HECW2: variants seen among roughly 807,000 people sequenced by gnomAD.
HECW2 encodes the protein HECT, C2 and WW domain containing E3 ubiquitin protein ligase 2.
A neutral mutation model predicts 175.2 loss-of-function variants in HECW2; 61 were observed. That is an observed-to-expected ratio of 0.35 (90% CI 0.28 to 0.43). The LOEUF (loss-of-function observed/expected upper bound fraction) is 0.43, where lower values mean the gene tolerates loss of function less well. Among genes scored for constraint, HECW2 ranks in the 20% least tolerant of loss-of-function variants. The pLI, the probability that HECW2 is intolerant of heterozygous loss-of-function variation, is 1.00. For missense variants in HECW2, 1,524 were observed against 2,000.5 expected, an observed-to-expected ratio of 0.76 and a Z score of 4.54; for synonymous variants, 671 against 731.0, an observed-to-expected ratio of 0.92 and a Z score of 1.32.
At chr2:196,555,899 T>C (rs1689776943) in intron 1 of HECW2, among the ~76,000 whole-genome samples, 1 of 152,220 alleles carries the variant, frequency 6.6e-6, no homozygotes, top group South Asian at 2.1e-4. Context: ...TCTTTCTTGA[T>C]CTCTGTGCTT....
At chr2:196,211,573 T>C (rs1159645165) in intron 28 of HECW2, among the ~76,000 whole-genome samples, 1 of 152,170 alleles carries the variant, frequency 6.6e-6, no homozygotes, top group Non-Finnish European at 1.5e-5. Flanking sequence ...GACAACCATA[T>C]ATACTTTTAT....
chr2:196,577,797 C>T (rs937465106), intron 1 of HECW2, among the ~76,000 whole-genome samples: 2 of 152,104 alleles, frequency 1.3e-5, no homozygotes, highest in Admixed American at 6.6e-5. Context: ...ACTAATATAA[C>T]CAGACAGAGA....
chr2:196,405,573 A>G (rs1694945836), intron 2 of HECW2, among the ~76,000 whole-genome samples: 1 of 152,038 alleles, frequency 6.6e-6, no homozygotes, highest in African/African-American at 2.4e-5. Context: ...CCAACCCCCC[A>G]TCTTATGCTC....
chr2:196,537,486 G>T (rs1450902564), intron 1 of HECW2, among the ~76,000 whole-genome samples: 8 of 152,112 alleles, frequency 5.3e-5, no homozygotes, highest in Non-Finnish European at 1.5e-5. Context: ...GGGCACAGAT[G>T]ATTATAATTA....
chr2:196,368,063 T>C (rs192385542), intron 2 of HECW2, among the ~76,000 whole-genome samples: 176 of 152,278 alleles, frequency 1.2e-3, no homozygotes, highest in Non-Finnish European at 6.6e-4. Context: ...ATCTTGGCTA[T>C]TGTGAACAGT....
chr2:196,422,456 T>C (rs986253451), intron 2 of HECW2, among the ~76,000 whole-genome samples: 3 of 152,082 alleles, frequency 2.0e-5, no homozygotes, highest in African/African-American at 7.2e-5. Flanking sequence ...AAAGAGGTCA[T>C]GTGTCCAGAT....
chr2:196,351,534 C>G (rs1057074950), intron 2 of HECW2, among the ~76,000 whole-genome samples: 4 of 152,094 alleles, frequency 2.6e-5, no homozygotes, highest in Non-Finnish European at 5.9e-5. Flanking sequence ...ACCCTCCTAC[C>G]AATCAACCCA....
chr2:196,549,944 T>G (rs539509632), intron 1 of HECW2, among the ~76,000 whole-genome samples: 1 of 152,192 alleles, frequency 6.6e-6, no homozygotes, highest in East Asian at 1.9e-4. Context: ...GAGGGCATGA[T>G]TCAGTGGTTG....
chr2:196,471,988 A>G (rs1697216276), intron 1 of HECW2, among the ~76,000 whole-genome samples: 1 of 151,880 alleles, frequency 6.6e-6, no homozygotes, highest in Non-Finnish European at 1.5e-5. Context: ...AAAAAAAAAA[A>G]AAAAAGAAAA....
chr2:196,310,447 G>A lies in HECW2; in HGVS notation c.2435-2362C>T, dbSNP rs184824878. Among the ~76,000 whole-genome samples, 31 of 152,268 alleles carry A rather than the reference G, an allele frequency of 2.0e-4. No homozygotes were observed. The East Asian group carries it at 6.0e-3, about 29-fold the overall frequency. ...GAACTACATATCCACTTCTACCCAC[G>A]CTGTCAATATCATTCTACCCAGGCA... is the stretch of plus-strand genomic sequence containing the variant. On this transcript the variant is annotated intron_variant, in intron 10 of 28. Coordinates refer to ENST00000644978, the MANE Select transcript of HECW2 (RefSeq NM_001348768.2).
At chr2:196,288,949 T>C (rs1000295016) in intron 14 of HECW2, 2 of 152,266 alleles carry the variant, frequency 1.3e-5, no homozygotes, top group African/African-American at 4.8e-5. Context: ...CACGTAATCA[T>C]GCTGTGCCTC....
chr2:196,491,475 TATATATATATACAC>T (rs1687191615), intron 1 of HECW2, among the ~76,000 whole-genome samples: 1 of 133,164 alleles, frequency 7.5e-6, no homozygotes, highest in Non-Finnish European at 1.6e-5. Flanking sequence ...GGTGTGTGTA[TATATATATATACAC>T]ATATATATAT....
At chr2:196,305,985 G>A (rs1429143222) in intron 13 of HECW2, among the ~76,000 whole-genome samples, 2 of 152,112 alleles carry the variant, frequency 1.3e-5, no homozygotes, top group East Asian at 1.9e-4. Flanking sequence ...TGGGTCCGAT[G>A]TTTGTGTCCC....
chr2:196,452,348 T>G (rs1696373255), intron 1 of HECW2, among the ~76,000 whole-genome samples: 1 of 152,216 alleles, frequency 6.6e-6, no homozygotes. Context: ...TAATTTCATC[T>G]GTTTTGAATT....
intron 13 of HECW2, among the ~76,000 whole-genome samples, chr2:196,300,208 G>C (rs903378053): frequency 4.6e-5 from 7 of 152,186 alleles, no homozygotes; most frequent in African/African-American, 7.2e-5. Flanking sequence ...ATGGCTAGCT[G>C]TCTGTGTTTG....
intron 1 of HECW2, among the ~76,000 whole-genome samples, chr2:196,519,600 A>C (rs1421643853): frequency 6.6e-6 from 1 of 152,234 alleles, no homozygotes; most frequent in Non-Finnish European, 1.5e-5. Context: ...TCCACCCCTG[A>C]AGGCAAAAAG....
In HECW2 at chr2:196,340,333, A is replaced by T. The variant is rs192112957; in HGVS notation, c.400+3324T>A. ...GACATCCAGCCGGGCACGGTGGCTC[A>T]CGTCTGTAATCTCAGCACTTCGGGA... On this transcript the variant is annotated intron_variant, in intron 3 of 28. Coordinates refer to ENST00000644978, the MANE Select transcript of HECW2 (RefSeq NM_001348768.2). Among the ~76,000 whole-genome samples, 374 of 152,230 alleles carry T rather than the reference A, an allele frequency of 2.5e-3. 4 individuals are homozygous for T. Among genetic ancestry groups the T allele is most frequent in the African/African-American group, 8.5e-3 (353 of 41,526 alleles).
At chr2:196,338,178 G>A (rs1052497456) in intron 3 of HECW2, among the ~76,000 whole-genome samples, 2 of 152,188 alleles carry the variant, frequency 1.3e-5, no homozygotes. Flanking sequence ...TTTGAACAGT[G>A]TTTAGGAACT....
chr2:196,503,703 C>T (rs1321432667), intron 1 of HECW2, among the ~76,000 whole-genome samples: 1 of 152,064 alleles, frequency 6.6e-6, no homozygotes, highest in Non-Finnish European at 1.5e-5. Context: ...AGAGAAAAAA[C>T]AAGAAAAAAG....
Sources: allele counts gnomAD v4.1 joint callset (sites outside exome capture counted in the v4.1 genomes callset), GRCh38; gene constraint gnomAD v4.1.1; transcripts MANE v1.5; gene names NCBI Gene and HGNC (gene_info 2026-07-23, HGNC 2026-07-21).